LRRC7: variants seen among roughly 807,000 people sequenced by gnomAD.
The protein encoded by LRRC7 is leucine rich repeat containing 7.
In LRRC7, 23 loss-of-function variants were observed where a neutral mutation model predicts 175.7. That is an observed-to-expected ratio of 0.13 (90% CI 0.09 to 0.19). LRRC7 has a LOEUF of 0.19. Ranked by LOEUF, LRRC7 falls within the 10% of genes least tolerant of loss-of-function variation. LRRC7 has a pLI of 1.00. For missense variants in LRRC7, 1,354 were observed against 1,904.7 expected, an observed-to-expected ratio of 0.71 and a Z score of 5.38; for synonymous variants, 685 against 680.9, an observed-to-expected ratio of 1.01 and a Z score of -0.09.
intron 1 of LRRC7, among the ~76,000 whole-genome samples, chr1:69,581,782 T>A (rs992110167): frequency 2.0e-5 from 3 of 152,196 alleles, no homozygotes; most frequent in African/African-American, 7.2e-5. Context: ...TGTTTTAATT[T>A]TTTTTTGGCA....
chr1:69,620,926 A>T (rs995536679), intron 1 of LRRC7, among the ~76,000 whole-genome samples: 2 of 152,200 alleles, frequency 1.3e-5, no homozygotes, highest in African/African-American at 4.8e-5. Context: ...ACAGAAGTCT[A>T]GGTAAAAGAC....
intron 8 of LRRC7, 90 bp downstream of exon 8, chr1:69,931,660 T>C (rs1339952434): frequency 4.1e-6 from 4 of 987,410 alleles, no homozygotes; most frequent in Non-Finnish European, 6.3e-6. Flanking sequence ...ATTAACTTGA[T>C]TGCACGTTTG....
chr1:69,840,956 T>C (rs1681658361), intron 7 of LRRC7, among the ~76,000 whole-genome samples: 1 of 151,906 alleles, frequency 6.6e-6, no homozygotes, highest in South Asian at 2.1e-4. Context: ...TTCAAATGAA[T>C]GTTAGATGTC....
At chr1:69,593,796 G>T (rs1646730922) in intron 1 of LRRC7, among the ~76,000 whole-genome samples, 1 of 152,084 alleles carries the variant, frequency 6.6e-6, no homozygotes, top group African/African-American at 2.4e-5. Context: ...CACAGGTTTT[G>T]CAGTCAGGTA....
intron 2 of LRRC7, among the ~76,000 whole-genome samples, chr1:69,723,403 A>G (rs906486175): frequency 6.6e-6 from 1 of 152,162 alleles, no homozygotes; most frequent in African/African-American, 2.4e-5. Context: ...AATTGTCTCA[A>G]AATACCAAAA....
rs1666561043 is a variant in LRRC7 at position 70,129,083 on chromosome 1, T to G, written c.*7196T>G. On this transcript the variant is annotated 3_prime_UTR_variant, in exon 27 of 27. Transcript: ENST00000651989. ...CAACATGCTGAAACCTCATCTCTAC[T>G]AAAAATATGAAAAATTAGCCGGGCA... Among the ~76,000 whole-genome samples the G allele has an allele frequency of 6.6e-6, 1 of 151,944 alleles. No homozygotes were observed. The highest frequency in any genetic ancestry group is 6.6e-5 in the Admixed American group (1 of 15,252).
At chr1:70,077,054 C>T (rs1662834148) in intron 24 of LRRC7, among the ~76,000 whole-genome samples, 1 of 152,118 alleles carries the variant, frequency 6.6e-6, no homozygotes. Flanking sequence ...AACATTCCTA[C>T]TGACTTTTCT....
chr1:69,919,330 A>G, intron 7 of LRRC7: 1 of 579,074 alleles, frequency 1.7e-6, no homozygotes, highest in Non-Finnish European at 3.1e-6. Flanking sequence ...AACTTTATTT[A>G]CAAAAACAAG....
At chr1:69,925,379 C>T (rs918454244) in intron 7 of LRRC7, among the ~76,000 whole-genome samples, 44 of 152,106 alleles carry the variant, frequency 2.9e-4, no homozygotes, top group African/African-American at 1.0e-3. Flanking sequence ...GGAATGGTAC[C>T]AGTTCCTCCT....
chr1:69,665,097 C>G (rs1249143658), intron 1 of LRRC7, among the ~76,000 whole-genome samples: 2 of 152,080 alleles, frequency 1.3e-5, no homozygotes, highest in African/African-American at 4.8e-5. Context: ...GCACCTTCAT[C>G]AAAAATGAGT....
intron 7 of LRRC7, among the ~76,000 whole-genome samples, chr1:69,896,492 G>A (rs1645983220): frequency 6.6e-6 from 1 of 152,062 alleles, no homozygotes; most frequent in African/African-American, 2.4e-5. Flanking sequence ...AATTCAGTGA[G>A]CATATTTTAG....
chr1:69,853,000 A>C (rs1683159297), intron 7 of LRRC7, among the ~76,000 whole-genome samples: 1 of 152,156 alleles, frequency 6.6e-6, no homozygotes. Context: ...CTTTTACCAA[A>C]GCTTCTGTAG....
At chr1:69,733,897 C>T (rs1413260321) in intron 2 of LRRC7, among the ~76,000 whole-genome samples, 3 of 151,918 alleles carry the variant, frequency 2.0e-5, no homozygotes, top group Non-Finnish European at 4.4e-5. Flanking sequence ...TACTGATCAC[C>T]CACCAACCAA....
intron 7 of LRRC7, among the ~76,000 whole-genome samples, chr1:69,853,829 T>C (rs1325763309): frequency 2.6e-5 from 4 of 152,216 alleles, no homozygotes; most frequent in African/African-American, 4.8e-5. Context: ...CAGTCACTTA[T>C]ATAAATATTT....
intron 7 of LRRC7, among the ~76,000 whole-genome samples, chr1:69,887,113 G>A (rs373083724): frequency 0.11 from 14,122 of 129,682 alleles, 1,090 homozygotes; most frequent in African/African-American, 0.24. Context: ...TGCTCTTCTC[G>A]AGGAGTATCT....
intron 8 of LRRC7, among the ~76,000 whole-genome samples, chr1:69,964,982 G>A (rs547332260): frequency 3.9e-5 from 6 of 152,330 alleles, no homozygotes; most frequent in Admixed American, 3.3e-4. Context: ...AGTAATAGCT[G>A]CATATAAAAC....
chr1:69,700,668 G>C (rs999602790), intron 2 of LRRC7, among the ~76,000 whole-genome samples: 1 of 152,218 alleles, frequency 6.6e-6, no homozygotes, highest in African/African-American at 2.4e-5. Flanking sequence ...GTCAAGCCAA[G>C]GGGGAAGAGA....
intron 2 of LRRC7, among the ~76,000 whole-genome samples, chr1:69,751,395 T>G (rs1027943108): frequency 1.3e-5 from 2 of 151,600 alleles, no homozygotes; most frequent in Non-Finnish European, 2.9e-5. Flanking sequence ...TACTAGAAGA[T>G]GGCAAGGGTC....
chr1:69,810,776 G>A (rs570113818), intron 4 of LRRC7, among the ~76,000 whole-genome samples: 73 of 152,198 alleles, frequency 4.8e-4, no homozygotes, highest in Non-Finnish European at 8.8e-4. Context: ...ATTAACTCAG[G>A]TCAGATTAAA....
Sources: allele counts gnomAD v4.1 joint callset (sites outside exome capture counted in the v4.1 genomes callset), GRCh38; gene constraint gnomAD v4.1.1; transcripts MANE v1.5; gene names NCBI Gene and HGNC (gene_info 2026-07-23, HGNC 2026-07-21).